LHFPL3: variants seen among roughly 807,000 people sequenced by gnomAD.
The protein encoded by LHFPL3 is LHFPL tetraspan subfamily member 3 protein.
A neutral mutation model predicts 19.3 loss-of-function variants in LHFPL3; 5 were observed. The ratio of observed to expected loss-of-function variants is 0.26; its 90% CI spans 0.14 to 0.54. The LOEUF is 0.54. LHFPL3 is among the 20% of genes least tolerant of loss of function. The pLI, the probability that LHFPL3 is intolerant of heterozygous loss-of-function variation, is 0.94. For missense variants in LHFPL3, 249 were observed against 307.4 expected, an observed-to-expected ratio of 0.81 and a Z score of 1.42; for synonymous variants, 133 against 126.2, an observed-to-expected ratio of 1.05 and a Z score of -0.36.
chr7:104,869,147 C>T (rs1244560430), intron 2 of LHFPL3, among the ~76,000 whole-genome samples: 4 of 152,150 alleles, frequency 2.6e-5, no homozygotes, highest in Non-Finnish European at 5.9e-5. Context: ...TAGAAGCAAA[C>T]CTAGGCAATA....
At chr7:104,497,309 GAAAAAA>G (rs34908934) in intron 1 of LHFPL3, among the ~76,000 whole-genome samples, 1 of 96,694 alleles carries the variant, frequency 1.0e-5, no homozygotes, top group Non-Finnish European at 2.3e-5. Flanking sequence ...TTGAGAAAAG[GAAAAAA>G]AAAAAAAAAA....
chr7:104,473,716 A>G (rs1454166347), intron 1 of LHFPL3, among the ~76,000 whole-genome samples: 2 of 152,244 alleles, frequency 1.3e-5, no homozygotes, highest in African/African-American at 4.8e-5. Flanking sequence ...TGGGAGTTAG[A>G]TGAGACACTA....
intron 1 of LHFPL3, among the ~76,000 whole-genome samples, chr7:104,715,345 G>A (rs1178310033): frequency 1.3e-5 from 2 of 152,142 alleles, no homozygotes; most frequent in African/African-American, 2.4e-5. Flanking sequence ...AATGTTTTTA[G>A]TATGCAATAT....
intron 2 of LHFPL3, among the ~76,000 whole-genome samples, chr7:104,880,799 G>C (rs535005932): frequency 6.6e-5 from 10 of 152,280 alleles, no homozygotes; most frequent in Non-Finnish European, 1.5e-4. Context: ...TTGTTTTCAT[G>C]CCAGTTAATC....
intron 1 of LHFPL3, among the ~76,000 whole-genome samples, chr7:104,484,053 A>G (rs1163770120): frequency 6.6e-6 from 1 of 152,164 alleles, no homozygotes; most frequent in East Asian, 1.9e-4. Flanking sequence ...AGCCAATTAT[A>G]ATATTCCTGG....
At chr7:104,404,208 C>T (rs1791373508) in intron 1 of LHFPL3, among the ~76,000 whole-genome samples, 1 of 152,138 alleles carries the variant, frequency 6.6e-6, no homozygotes, top group Admixed American at 6.5e-5. Flanking sequence ...TAAGCTAAAT[C>T]TTTAAAGTTA....
At chr7:104,531,596 T>G (rs1794296564) in intron 1 of LHFPL3, among the ~76,000 whole-genome samples, 2 of 152,172 alleles carry the variant, frequency 1.3e-5, no homozygotes, top group South Asian at 4.1e-4. Flanking sequence ...TGTGCAGTCA[T>G]GTCTTCTAGG....
At chr7:104,719,970 G>C (rs905685834) in intron 1 of LHFPL3, among the ~76,000 whole-genome samples, 1 of 152,042 alleles carries the variant, frequency 6.6e-6, no homozygotes, top group African/African-American at 2.4e-5. Context: ...TCCTATTTCC[G>C]AACCTGACCT....
intron 2 of LHFPL3, among the ~76,000 whole-genome samples, chr7:104,865,741 C>T (rs936189215): frequency 6.6e-6 from 1 of 152,104 alleles, no homozygotes; most frequent in African/African-American, 2.4e-5. Flanking sequence ...AAAGATACTC[C>T]TCGAGAAGAG....
chr7:104,844,706 C>A (rs916931996), intron 2 of LHFPL3, among the ~76,000 whole-genome samples: 1 of 152,170 alleles, frequency 6.6e-6, no homozygotes, highest in Non-Finnish European at 1.5e-5. Flanking sequence ...TAGGAATATT[C>A]TTTCCTTGTA....
chr7:104,865,307 A>G (rs1327274725), intron 2 of LHFPL3, among the ~76,000 whole-genome samples: 1 of 152,204 alleles, frequency 6.6e-6, no homozygotes, highest in Non-Finnish European at 1.5e-5. Flanking sequence ...AACCCATGGC[A>G]AAGAAGTTAA....
intron 2 of LHFPL3, among the ~76,000 whole-genome samples, chr7:104,794,897 T>C (rs906349516): frequency 1.8e-4 from 27 of 152,178 alleles, no homozygotes; most frequent in Non-Finnish European, 8.8e-5. Flanking sequence ...GCTATACTTA[T>C]CTCCCTATGT....
At chr7:104,834,985 T>A (rs1431251765) in intron 2 of LHFPL3, among the ~76,000 whole-genome samples, 1 of 152,012 alleles carries the variant, frequency 6.6e-6, no homozygotes, top group East Asian at 1.9e-4. Context: ...TTTCTTTTTG[T>A]CATTCTTTCT....
intron 2 of LHFPL3, chr7:104,798,289 T>C (rs547207576): frequency 6.6e-6 from 1 of 152,360 alleles, no homozygotes; most frequent in East Asian, 1.9e-4. Context: ...TTCTGTTAAG[T>C]ATTTTAAGTT....
At chr7:104,670,919 A>C (rs1792468608) in intron 1 of LHFPL3, among the ~76,000 whole-genome samples, 2 of 150,328 alleles carry the variant, frequency 1.3e-5, no homozygotes, top group Non-Finnish European at 3.0e-5. Context: ...GGAGAGAACT[A>C]TTTAACAAGG....
At chr7:104,495,281 C>A (rs1356416560) in intron 1 of LHFPL3, among the ~76,000 whole-genome samples, 2 of 152,192 alleles carry the variant, frequency 1.3e-5, no homozygotes, top group Non-Finnish European at 2.9e-5. Context: ...AGCCATGGCT[C>A]ACTGCAGCCT....
At chr7:104,342,078 C>CT (rs953418804) in intron 1 of LHFPL3, among the ~76,000 whole-genome samples, 17 of 152,254 alleles carry the variant, frequency 1.1e-4, no homozygotes, top group African/African-American at 3.6e-4. Flanking sequence ...CAATGGCCTC[C>CT]TTTTTTGGAG....
chr7:104,527,821 AAAAAACTTTTT>A (rs1794219373), intron 1 of LHFPL3, among the ~76,000 whole-genome samples: 1 of 152,198 alleles, frequency 6.6e-6, no homozygotes, highest in Non-Finnish European at 1.5e-5. Context: ...CACTTCTTTT[AAAAAACTTTTT>A]AAGGAATATC....
At chr7:104,516,596 T>C (rs530440112) in intron 1 of LHFPL3, among the ~76,000 whole-genome samples, 3 of 152,176 alleles carry the variant, frequency 2.0e-5, no homozygotes, top group African/African-American at 7.2e-5. Context: ...CACAGTGAGA[T>C]ATCCTCTCAC....
Sources: allele counts gnomAD v4.1 joint callset (sites outside exome capture counted in the v4.1 genomes callset), GRCh38; gene constraint gnomAD v4.1.1; transcripts MANE v1.5; gene names NCBI Gene and HGNC (gene_info 2026-07-23, HGNC 2026-07-21).